CNTNAP2: variants seen among roughly 807,000 people sequenced by gnomAD.
The protein encoded by CNTNAP2 is contactin associated protein 2.
In CNTNAP2, 98 loss-of-function variants were observed where a neutral mutation model predicts 155.2. That is an observed-to-expected ratio of 0.63 (90% CI 0.54 to 0.75). The LOEUF (loss-of-function observed/expected upper bound fraction) is 0.75. Among genes scored for constraint, CNTNAP2 ranks in the 30% least tolerant of loss-of-function variants. The pLI is 0.00. For missense variants in CNTNAP2, 1,727 were observed against 1,688.1 expected (o/e 1.02, Z -0.40); for synonymous variants, 651 against 631.2 (o/e 1.03, Z -0.47).
intron 1 of CNTNAP2, among the ~76,000 whole-genome samples, chr7:146,190,641 A>G (rs556298679): frequency 6.6e-6 from 1 of 152,328 alleles, no homozygotes; most frequent in African/African-American, 2.4e-5. Flanking sequence ...GAAACACATA[A>G]GAAGCATTCT....
chr7:146,546,526 G>A (rs143193704), intron 1 of CNTNAP2, among the ~76,000 whole-genome samples: 4 of 151,890 alleles, frequency 2.6e-5, no homozygotes, highest in African/African-American at 9.6e-5. Context: ...TTGTAATAGA[G>A]CTGCCTCCCC....
At chr7:147,467,027 T>G (rs1370219402) in intron 10 of CNTNAP2, among the ~76,000 whole-genome samples, 1 of 152,244 alleles carries the variant, frequency 6.6e-6, no homozygotes, top group Non-Finnish European at 1.5e-5. Flanking sequence ...CATTTGTGTC[T>G]CCTTATTTTT....
At chr7:146,283,369 C>T (rs982863169) in intron 1 of CNTNAP2, among the ~76,000 whole-genome samples, 1 of 151,928 alleles carries the variant, frequency 6.6e-6, no homozygotes, top group South Asian at 2.1e-4. Flanking sequence ...TTCTGTTTTT[C>T]GTTTTGTTTT....
intron 11 of CNTNAP2, among the ~76,000 whole-genome samples, chr7:147,530,261 C>A (rs1398724092): frequency 6.6e-6 from 1 of 150,686 alleles, no homozygotes; most frequent in Non-Finnish European, 1.5e-5. Flanking sequence ...TCTCAGCTCA[C>A]CACAACCTCC....
At chr7:146,132,683 G>A (rs998354149) in intron 1 of CNTNAP2, among the ~76,000 whole-genome samples, 2 of 151,276 alleles carry the variant, frequency 1.3e-5, no homozygotes, top group Non-Finnish European at 2.9e-5. Context: ...TTTTGTTCTT[G>A]CGATAGTTTA....
At chr7:148,051,055 T>C (rs1054623875) in intron 15 of CNTNAP2, among the ~76,000 whole-genome samples, 4 of 152,250 alleles carry the variant, frequency 2.6e-5, no homozygotes, top group Admixed American at 1.3e-4. Flanking sequence ...ATGACTGTAT[T>C]AGTAAACTAA....
intron 13 of CNTNAP2, among the ~76,000 whole-genome samples, chr7:147,868,238 G>A (rs1466478366): frequency 6.6e-6 from 1 of 152,170 alleles, no homozygotes; most frequent in African/African-American, 2.4e-5. Context: ...GTTTGCTGGT[G>A]GTCCACTCCA....
intron 1 of CNTNAP2, among the ~76,000 whole-genome samples, chr7:146,669,631 G>C (rs945956312): frequency 5.3e-5 from 8 of 152,060 alleles, no homozygotes; most frequent in Admixed American, 2.0e-4. Flanking sequence ...ACATCCCGTA[G>C]ATACCTAAAG....
At chr7:146,337,150 C>A (rs986712099) in intron 1 of CNTNAP2, among the ~76,000 whole-genome samples, 7 of 152,036 alleles carry the variant, frequency 4.6e-5, no homozygotes, top group Non-Finnish European at 8.8e-5. Context: ...TGTCTTTGCA[C>A]CTTCTAGTGA....
At chr7:147,583,091 G>A (rs2116829798) in intron 12 of CNTNAP2, among the ~76,000 whole-genome samples, 1 of 152,106 alleles carries the variant, frequency 6.6e-6, no homozygotes, top group Middle Eastern at 3.4e-3. Flanking sequence ...ACCAAGAGGT[G>A]GTGAAAGCCT....
chr7:146,599,098 C>G (rs1798907613), intron 1 of CNTNAP2, among the ~76,000 whole-genome samples: 1 of 152,040 alleles, frequency 6.6e-6, no homozygotes, highest in African/African-American at 2.4e-5. Flanking sequence ...TATATGTTGT[C>G]TCTGCCTTCA....
intron 13 of CNTNAP2, among the ~76,000 whole-genome samples, chr7:147,643,729 G>A (rs569116113): frequency 2.6e-5 from 4 of 152,202 alleles, no homozygotes; most frequent in South Asian, 2.1e-4. Context: ...ATAGCTTTGC[G>A]CTTAAAATGT....
chr7:147,851,183 A>C (rs1419576154), intron 13 of CNTNAP2, among the ~76,000 whole-genome samples: 1 of 151,984 alleles, frequency 6.6e-6, no homozygotes, highest in Non-Finnish European at 1.5e-5. Flanking sequence ...GCTCATCATC[A>C]CTGGCCATCA....
intron 17 of CNTNAP2, among the ~76,000 whole-genome samples, chr7:148,161,771 C>G (rs1412887593): frequency 6.6e-6 from 1 of 152,232 alleles, no homozygotes; most frequent in Admixed American, 6.5e-5. Flanking sequence ...TCCTTGACTT[C>G]TTGCTCTTAT....
intron 1 of CNTNAP2, among the ~76,000 whole-genome samples, chr7:146,354,149 A>G (rs1477644269): frequency 2.5e-4 from 38 of 152,148 alleles, no homozygotes; most frequent in Non-Finnish European, 2.9e-5. Flanking sequence ...TAGGAGTCAG[A>G]GAAATCTATT....
intron 8 of CNTNAP2, among the ~76,000 whole-genome samples, chr7:147,217,877 T>C (rs1406758742): frequency 6.6e-6 from 1 of 152,018 alleles, no homozygotes; most frequent in Non-Finnish European, 1.5e-5. Context: ...AGATAGATTT[T>C]ATTTTCTTTC....
chr7:146,834,787 T>C (rs1385543963), intron 2 of CNTNAP2, among the ~76,000 whole-genome samples: 1 of 152,178 alleles, frequency 6.6e-6, no homozygotes. Flanking sequence ...GCTGCTACAA[T>C]ACATTGGGAA....
At chr7:146,936,272 C>G (rs1269200969) in intron 3 of CNTNAP2, among the ~76,000 whole-genome samples, 2 of 152,128 alleles carry the variant, frequency 1.3e-5, no homozygotes, top group Non-Finnish European at 2.9e-5. Flanking sequence ...AATGGAGTCA[C>G]TTGTGCTAAG....
intron 3 of CNTNAP2, among the ~76,000 whole-genome samples, chr7:147,024,787 A>T (rs1798872763): frequency 6.6e-6 from 1 of 152,074 alleles, no homozygotes; most frequent in African/African-American, 2.4e-5. Context: ...GATGAAGAGG[A>T]ATCATGGTGC....
Sources: allele counts gnomAD v4.1 joint callset (sites outside exome capture counted in the v4.1 genomes callset), GRCh38; gene constraint gnomAD v4.1.1; transcripts MANE v1.5; gene names NCBI Gene and HGNC (gene_info 2026-07-23, HGNC 2026-07-21).